Variants in HECW1 observed in about 807,000 individuals in gnomAD.
HECW1 encodes E3 ubiquitin-protein ligase HECW1.
HECW1 carries 61 observed loss-of-function variants against 182.3 expected under a neutral mutation model. The observed-to-expected ratio is 0.33, with a 90% CI of 0.27 to 0.41. The LOEUF is 0.41. Ranked by LOEUF, HECW1 falls within the 10% of genes least tolerant of loss-of-function variation. The pLI is 1.00. For synonymous variants in HECW1, 859 were observed against 832.6 expected (o/e 1.03, Z -0.55); for missense variants, 1,739 against 2,108.9 (o/e 0.82, Z 3.44).
intron 2 of HECW1, among the ~76,000 whole-genome samples, chr7:43,207,182 G>A (rs1306613681): frequency 7.2e-5 from 11 of 152,108 alleles, no homozygotes; most frequent in Non-Finnish European, 1.6e-4. Context: ...GACTAGCTGG[G>A]ATTACAGGTG....
At position 43,550,598 on chromosome 7, in the gene HECW1, C is replaced by A. The variant is rs776626202; in HGVS notation, c.4395+7C>A. The A allele has an allele frequency of 6.3e-7, 1 of 1,593,666 alleles. No individual in the cohort carries two copies. The highest frequency in any genetic ancestry group is 8.5e-7 in the Non-Finnish European group (1 of 1,170,824). ...GGTGCGCGGCTTCTACGAGGTGAGG[C>A]CCGGTGGCCTGGGGAAGGCAAGCTG... On this transcript the variant is annotated splice_region_variant and intron_variant, in intron 27 of 29. Transcript: ENST00000395891.
At chr7:43,400,846 A>T (rs988830015) in intron 7 of HECW1, among the ~76,000 whole-genome samples, 1 of 152,210 alleles carries the variant, frequency 6.6e-6, no homozygotes, top group East Asian at 1.9e-4. Context: ...GCTGTCAGCC[A>T]GGCTGGTTCC....
intron 3 of HECW1, among the ~76,000 whole-genome samples, chr7:43,260,902 T>C (rs1040842190): frequency 6.6e-6 from 1 of 152,236 alleles, no homozygotes; most frequent in Non-Finnish European, 1.5e-5. Context: ...ATAGTGCCTA[T>C]TGTGTGCCAA....
At chr7:43,375,011 A>G (rs948342727) in intron 6 of HECW1, among the ~76,000 whole-genome samples, 2 of 152,156 alleles carry the variant, frequency 1.3e-5, no homozygotes, top group Non-Finnish European at 2.9e-5. Context: ...GCAACTACAT[A>G]GTCCTTCTTA....
Position 43,490,293 on chromosome 7 carries a change from C to T in HECW1, c.3235-1782C>T, listed in dbSNP as rs983026503. On this transcript the variant is annotated intron_variant, in intron 17 of 29. Transcript: ENST00000395891. ...CCGTACCATGCTCCCATTCCCCAACCGTAAATGCTGCCTGCCCATGGTTGC... is the reference window on the plus strand; with the variant it reads ...CCGTACCATGCTCCCATTCCCCAACTGTAAATGCTGCCTGCCCATGGTTGC... Among the ~76,000 whole-genome samples, 3 of 152,172 alleles carry T rather than the reference C, an allele frequency of 2.0e-5. No individual in the cohort carries two copies. The South Asian group carries it at 6.2e-4, about 32-fold the overall frequency.
chr7:43,131,075 G>C (rs1204800822), intron 2 of HECW1, among the ~76,000 whole-genome samples: 2 of 142,522 alleles, frequency 1.4e-5, no homozygotes, highest in Non-Finnish European at 3.2e-5. Flanking sequence ...AGACCAGCCT[G>C]GCCAATATGG....
intron 2 of HECW1, among the ~76,000 whole-genome samples, chr7:43,135,495 T>C (rs1787426625): frequency 6.6e-6 from 1 of 152,196 alleles, no homozygotes; most frequent in South Asian, 2.1e-4. Context: ...CCACCCCAGA[T>C]CTGTCCATCT....
chr7:43,321,043 A>G (rs1216516160), intron 5 of HECW1, among the ~76,000 whole-genome samples: 4 of 152,100 alleles, frequency 2.6e-5, no homozygotes, highest in Non-Finnish European at 5.9e-5. Flanking sequence ...CTTTCACTCC[A>G]TGGCTCCTCC....
At chr7:43,139,908 C>T (rs1418821866) in intron 2 of HECW1, among the ~76,000 whole-genome samples, 1 of 152,140 alleles carries the variant, frequency 6.6e-6, no homozygotes, top group African/African-American at 2.4e-5. Context: ...ATTCTCAAAG[C>T]TTCAGTTTTC....
intron 8 of HECW1, among the ~76,000 whole-genome samples, chr7:43,408,501 G>A (rs1468161837): frequency 1.3e-5 from 2 of 151,326 alleles, no homozygotes; most frequent in Admixed American, 6.6e-5. Context: ...TGGGCAATAT[G>A]GCAAAACCCC....
At chr7:43,310,050 TA>T (rs1010792973) in intron 3 of HECW1, among the ~76,000 whole-genome samples, 19 of 152,362 alleles carry the variant, frequency 1.2e-4, no homozygotes, top group African/African-American at 3.8e-4. Flanking sequence ...GGGAAGCTGG[TA>T]GATGCTGCCT....
At chr7:43,178,678 A>G (rs1463523353) in intron 2 of HECW1, among the ~76,000 whole-genome samples, 3 of 152,196 alleles carry the variant, frequency 2.0e-5, no homozygotes, top group Non-Finnish European at 2.9e-5. Context: ...TAAAGGTGAG[A>G]AAGTGGAGGC....
intron 5 of HECW1, among the ~76,000 whole-genome samples, chr7:43,352,659 A>G (rs1049601437): frequency 6.6e-6 from 1 of 152,208 alleles, no homozygotes; most frequent in African/African-American, 2.4e-5. Context: ...AATAAGAATG[A>G]CAGGTGACAT....
At chr7:43,133,508 ACTGT>A (rs1349458282) in intron 2 of HECW1, among the ~76,000 whole-genome samples, 16 of 151,748 alleles carry the variant, frequency 1.1e-4, no homozygotes, top group African/African-American at 2.9e-4. Flanking sequence ...TTCCTAGAAA[ACTGT>A]CTATTTTTCT....
intron 3 of HECW1, among the ~76,000 whole-genome samples, chr7:43,288,441 A>C (rs1242969860): frequency 6.6e-6 from 1 of 152,130 alleles, no homozygotes; most frequent in Non-Finnish European, 1.5e-5. Context: ...TAAGTTGAAC[A>C]CCCTCCTTAA....
intron 5 of HECW1, among the ~76,000 whole-genome samples, chr7:43,324,363 T>C (rs1194404878): frequency 6.6e-6 from 1 of 152,218 alleles, no homozygotes; most frequent in African/African-American, 2.4e-5. Flanking sequence ...TAAGATGCTA[T>C]AATGAATTAT....
At position 43,478,782 on chromosome 7, in the gene HECW1, T is replaced by C. The variant is rs530157579; in HGVS notation, c.3100-828T>C. Among the ~76,000 whole-genome samples the C allele has an allele frequency of 2.6e-5, 4 of 152,290 alleles. No homozygotes were observed. The East Asian group carries it at 5.8e-4, about 22-fold the overall frequency. ...TTTCTCAGTGAAAATATACACATTC[T>C]ATAATAAAAAAGAGCATTTATCTTA... On this transcript the variant is annotated intron_variant, in intron 16 of 29. Transcript: ENST00000395891.
At chr7:43,387,992 C>T (rs1007929451) in intron 6 of HECW1, among the ~76,000 whole-genome samples, 9 of 152,316 alleles carry the variant, frequency 5.9e-5, no homozygotes, top group Middle Eastern at 3.4e-3. Flanking sequence ...TATGCCATTC[C>T]GTTCTCAGGG....
At chr7:43,406,429 A>C (rs17207007) in intron 7 of HECW1, among the ~76,000 whole-genome samples, 18,539 of 152,196 alleles carry the variant, frequency 0.12, 1,318 homozygotes, top group Middle Eastern at 0.28. Flanking sequence ...GGATCAACTC[A>C]AAATAACTTT....
Sources: allele counts gnomAD v4.1 joint callset (sites outside exome capture counted in the v4.1 genomes callset), GRCh38; gene constraint gnomAD v4.1.1; transcripts MANE v1.5; gene names NCBI Gene and HGNC (gene_info 2026-07-23, HGNC 2026-07-21).